Variants in CDCA5 observed in about 807,000 individuals in gnomAD.
The protein encoded by CDCA5 is sororin.
In CDCA5, 14 loss-of-function variants were observed where a neutral mutation model predicts 25.7. That is an observed-to-expected ratio of 0.54 (90% CI 0.36 to 0.85). CDCA5 has a LOEUF of 0.85. Among genes scored for constraint, CDCA5 ranks in the 40% least tolerant of loss-of-function variants. CDCA5 has a pLI of 0.01. For synonymous variants in CDCA5, 127 were observed against 128.7 expected, an observed-to-expected ratio of 0.99 and a Z score of 0.09; for missense variants, 307 against 324.5, an observed-to-expected ratio of 0.95 and a Z score of 0.41.
intron 2 of CDCA5, chr11:65,068,434 G>A (rs1947281682): frequency 9.2e-7 from 1 of 1,081,322 alleles, no homozygotes; most frequent in Admixed American, 2.5e-5. Context: ...AATTTCTCCA[G>A]CTCTCCTGCC....
chr11:65,067,644 G>T (rs772294228), intron 4 of CDCA5: 2 of 1,288,032 alleles, frequency 1.6e-6, no homozygotes, highest in South Asian at 2.5e-5. Flanking sequence ...CCATCTGCCC[G>T]CCCAGATCAC....
At chr11:65,077,137 A>G (rs1306849698), downstream of CDCA5, among the ~76,000 whole-genome samples, 1 of 152,176 alleles carries the variant, frequency 6.6e-6, no homozygotes, top group Non-Finnish European at 1.5e-5. Flanking sequence ...AAATATAAAA[A>G]TTAGCCAGGC....
At chr11:65,077,385 T>C (rs1438351065), downstream of CDCA5, 3 of 834,346 alleles carry the variant, frequency 3.6e-6, no homozygotes, top group Non-Finnish European at 4.3e-6. Flanking sequence ...ACCCCAGTGA[T>C]GCAGCCCACT....
rs1485529115 is a variant in CDCA5, at chr11:65,083,350, G to A, written c.243+14C>T. The A allele has an allele frequency of 6.2e-7, 1 of 1,613,914 alleles. No homozygotes were observed. The highest frequency in any genetic ancestry group is 1.3e-5 in the African/African-American group (1 of 74,914). The stretch of plus-strand genomic sequence containing the variant: ...CCAGATTCTACTTAATTAAGTAGAT[G>A]AAAGTGAACTCACCCTAGGGCTCCT... On this transcript the variant is annotated intron_variant, in intron 4 of 5. Coordinates refer to ENST00000275517, the MANE Select transcript of CDCA5 (RefSeq NM_080668.4).
rs760541197 is a variant in CDCA5, at chr11:65,079,672, G to C, written c.359C>G (p.Pro120Arg). ...TTCCTTGGAGCTGGACTCGGCCTCAGGGTTCGGCACAGGAGTGCTGGTGGG... is the reference window on the plus strand; with the variant it reads ...TTCCTTGGAGCTGGACTCGGCCTCACGGTTCGGCACAGGAGTGCTGGTGGG... ...ATPTSTPVPN[P>R]EAESSSKEGE... Residue 120 changes from proline (P) to arginine (R), a missense_variant, in exon 5 of 6, where the codon CCT becomes CGT. By Grantham distance (103) the Pro-to-Arg change is moderately radical. Coordinates refer to ENST00000275517, the MANE Select transcript of CDCA5 (RefSeq NM_080668.4). The C allele has an allele frequency of 3.1e-6, 5 of 1,601,324 alleles. No individual in the cohort carries two copies. Among genetic ancestry groups the C allele is most frequent in the Non-Finnish European group, 4.3e-6 (5 of 1,172,750 alleles).
At chr11:65,079,864 A>G in intron 4 of CDCA5, 77 bp from the exon 5 acceptor site, 2 of 1,156,156 alleles carry the variant, frequency 1.7e-6, no homozygotes, top group Non-Finnish European at 1.2e-6. Flanking sequence ...GAGAAGATTC[A>G]GGGTGGAAAG....
At chr11:65,066,854 G>C (rs1399634575) in exon 5 of CDCA5, 1 of 1,289,332 alleles carries the variant, frequency 7.8e-7, no homozygotes, top group Non-Finnish European at 1.0e-6. Context: ...TTGTGCACTT[G>C]GGTGGTGTTC....
In CDCA5 at chr11:65,083,350, GA is replaced by G. The variant is rs1947613978; in HGVS notation, c.243+13del. 1 of 1,613,914 alleles carries G rather than the reference GA, an allele frequency of 6.2e-7. No individual in the cohort carries two copies. The highest frequency in any genetic ancestry group is 1.3e-5 in the African/African-American group (1 of 74,914). ...CCAGATTCTACTTAATTAAGTAGAT[GA>G]AAGTGAACTCACCCTAGGGCTCCTG... On this transcript the variant is annotated intron_variant, in intron 4 of 5. Coordinates refer to ENST00000275517, the MANE Select transcript of CDCA5 (RefSeq NM_080668.4).
downstream of CDCA5, among the ~76,000 whole-genome samples, chr11:65,075,236 A>C (rs1406732404): frequency 1.3e-5 from 2 of 151,794 alleles, no homozygotes; most frequent in Non-Finnish European, 2.9e-5. Flanking sequence ...GTCTCTACTA[A>C]AAATAGAAAA....
downstream of CDCA5, among the ~76,000 whole-genome samples, chr11:65,076,477 A>T (rs1003400096): frequency 1.3e-5 from 2 of 152,214 alleles, no homozygotes; most frequent in African/African-American, 4.8e-5. Flanking sequence ...GAAAAAGAAG[A>T]GGAAGGTTTC....
intron 4 of CDCA5, chr11:65,067,620 C>T: frequency 1.6e-6 from 2 of 1,255,988 alleles, no homozygotes; most frequent in Non-Finnish European, 2.1e-6. Context: ...GAAGCCCTGT[C>T]ACCCTACCCG....
downstream of CDCA5, among the ~76,000 whole-genome samples, chr11:65,075,111 G>A (rs1219582354): frequency 2.0e-5 from 3 of 147,980 alleles, no homozygotes; most frequent in South Asian, 2.2e-4. Flanking sequence ...AAATAGGCCC[G>A]GCGTGCCAGC....
At chr11:65,067,943 CATCCACCT>C (rs1947271082) in intron 3 of CDCA5, 1 of 1,004,930 alleles carries the variant, frequency 1.0e-6, no homozygotes, top group Admixed American at 2.3e-5. Context: ...GGAGAAACAC[CATCCACCT>C]CCCCCAGTTT....
downstream of CDCA5, among the ~76,000 whole-genome samples, chr11:65,061,846 A>T (rs1947189393): frequency 6.7e-6 from 1 of 149,752 alleles, no homozygotes; most frequent in South Asian, 2.1e-4. Flanking sequence ...CTAAATATAG[A>T]CCAGAAACCC....
intron 1 of CDCA5, among the ~76,000 whole-genome samples, chr11:65,070,609 G>A (rs923526086): frequency 1.3e-5 from 2 of 152,072 alleles, no homozygotes; most frequent in African/African-American, 2.4e-5. Flanking sequence ...TCAGCCTCCT[G>A]AGTAGCTACA....
chr11:65,061,912 T>G (rs1359476505), downstream of CDCA5, among the ~76,000 whole-genome samples: 1 of 120,798 alleles, frequency 8.3e-6, no homozygotes, highest in Non-Finnish European at 1.7e-5. Context: ...TCCAGCTGCC[T>G]AATTTTTTTT....
intron 1 of CDCA5, chr11:65,068,669 C>A: frequency 9.5e-7 from 1 of 1,053,874 alleles, no homozygotes; most frequent in South Asian, 1.3e-5. Context: ...CTAGCCTGGT[C>A]TGGTTTTTAG....
chr11:65,079,098 C>G lies in CDCA5; in HGVS notation c.*9G>C. 1.3e-6 allele frequency: 2 copies of G among 1,515,576 alleles called. No individual in the cohort carries two copies. Among genetic ancestry groups the G allele is most frequent in the East Asian group, 2.3e-5 (1 of 44,086 alleles). The allele number at this position is 1,515,576 out of a possible 1,614,324, so 93.9% of individuals were successfully genotyped here. On this transcript the variant is annotated 3_prime_UTR_variant, in exon 6 of 6. Transcript: ENST00000275517. The stretch of plus-strand genomic sequence containing the variant: ...GGAGAGTCTGGCCAGGTGCACCCCC[C>G]ACTGCATCTCATTCAACCAGGAGAT...
intron 4 of CDCA5, among the ~76,000 whole-genome samples, chr11:65,081,428 A>G (rs530532499): frequency 2.2e-4 from 30 of 138,762 alleles, no homozygotes; most frequent in Admixed American, 7.2e-4. Flanking sequence ...ACTCCATCTC[A>G]AAAAAAAAAA....
Sources: gnomAD v4.1 joint callset for allele counts (sites outside exome capture counted in the v4.1 genomes callset) on GRCh38, gnomAD v4.1.1 for gene constraint, MANE v1.5 for transcripts, NCBI Gene and HGNC (gene_info 2026-07-23, HGNC 2026-07-21) for gene names.